CACNA1E: variants seen among roughly 807,000 people sequenced by gnomAD.
The protein encoded by CACNA1E is voltage-dependent R-type calcium channel subunit alpha-1E.
A neutral mutation model predicts 259.2 loss-of-function variants in CACNA1E; 40 were observed. The observed-to-expected ratio is 0.15, with a 90% confidence interval of 0.12 to 0.20. The LOEUF (loss-of-function observed/expected upper bound fraction) is 0.20. Ranked by LOEUF, CACNA1E falls within the 10% of genes least tolerant of loss-of-function variation. The probability of loss-of-function intolerance (pLI) is 1.00; values close to 1 mark genes in which losing one functional copy is unlikely to be tolerated. For missense variants in CACNA1E, 1,874 were observed against 3,040.1 expected, an observed-to-expected ratio of 0.62 and a Z score of 9.02; for synonymous variants, 1,104 against 1,138.5, an observed-to-expected ratio of 0.97 and a Z score of 0.61.
At chr1:181,408,367 G>T (rs563898941) in intron 1 of CACNA1E, among the ~76,000 whole-genome samples, 2 of 152,252 alleles carry the variant, frequency 1.3e-5, no homozygotes, top group Admixed American at 6.5e-5. Flanking sequence ...CCAAAGGGGT[G>T]CATGGACCAT....
chr1:181,740,689 T>G lies in CACNA1E; in HGVS notation c.3719+1436T>G, dbSNP rs144274735. Among the ~76,000 whole-genome samples the G allele has an allele frequency of 1.8e-3, 274 of 152,346 alleles. 1 individual carries two copies. Among genetic ancestry groups the G allele is most frequent in the African/African-American group, 6.3e-3 (263 of 41,584 alleles). On this transcript the variant is annotated intron_variant, in intron 25 of 47. Transcript: ENST00000367573. ...CCACATTGAGCATAGTTTGTGACTC[T>G]AAAATGGGCTGGTGATCAAGGTAAT... is the stretch of plus-strand genomic sequence containing the variant.
chr1:181,655,770 C>A (rs1029610397), intron 7 of CACNA1E, among the ~76,000 whole-genome samples: 3 of 152,046 alleles, frequency 2.0e-5, no homozygotes, highest in African/African-American at 7.2e-5. Context: ...TGACAGAGGC[C>A]TCTAAAAATG....
intron 6 of CACNA1E, among the ~76,000 whole-genome samples, chr1:181,581,899 G>A (rs1651582253): frequency 6.6e-6 from 1 of 152,084 alleles, no homozygotes; most frequent in Non-Finnish European, 1.5e-5. Context: ...GATCTTTTTA[G>A]CCTGATTCTA....
intron 2 of CACNA1E, among the ~76,000 whole-genome samples, chr1:181,475,607 G>A (rs1662791076): frequency 6.6e-6 from 1 of 152,206 alleles, no homozygotes; most frequent in Admixed American, 6.5e-5. Flanking sequence ...ACTATGGTAC[G>A]TGAGGAGATA....
intron 38 of CACNA1E, chr1:181,779,455 G>A (rs1460522827): frequency 2.7e-5 from 12 of 452,086 alleles, no homozygotes; most frequent in Admixed American, 9.5e-5. Flanking sequence ...GCAGGATCCC[G>A]TATAAGGATA....
chr1:181,727,241 G>T (rs1002160683), intron 18 of CACNA1E, among the ~76,000 whole-genome samples: 1 of 152,176 alleles, frequency 6.6e-6, no homozygotes, highest in African/African-American at 2.4e-5. Flanking sequence ...GGCTGACAGC[G>T]CTCCTCCTGC....
intron 7 of CACNA1E, among the ~76,000 whole-genome samples, chr1:181,703,798 G>C (rs1301047510): frequency 6.7e-6 from 1 of 149,196 alleles, no homozygotes; most frequent in African/African-American, 2.4e-5. Flanking sequence ...TAGTTTCCCT[G>C]CTTATGGAAA....
chr1:181,421,839 G>A (rs603451), intron 2 of CACNA1E, among the ~76,000 whole-genome samples: 12,188 of 152,106 alleles, frequency 0.08, 1,167 homozygotes, highest in African/African-American at 0.23. Flanking sequence ...GCCTGCTAAC[G>A]TGTCTTTGCA....
intron 2 of CACNA1E, among the ~76,000 whole-genome samples, chr1:181,473,798 T>G (rs537872934): frequency 2.0e-5 from 3 of 152,302 alleles, no homozygotes; most frequent in African/African-American, 7.2e-5. Flanking sequence ...AGATAATGGG[T>G]TTTGAAGTCA....
chr1:181,695,553 G>A (rs1183737861), intron 7 of CACNA1E, among the ~76,000 whole-genome samples: 1 of 152,198 alleles, frequency 6.6e-6, no homozygotes, highest in African/African-American at 2.4e-5. Flanking sequence ...ACAGATTAGA[G>A]AGCCCCTCAT....
Position 181,411,489 on chromosome 1 carries a change from G to T in CACNA1E, c.-14-1644G>T, listed in dbSNP as rs150354858. Reference sequence around the variant, plus strand: ...TCCCTAAATCCTCTCTCATGCACATGCTCTTCCTTTTGCCTGTTTTCCTCT... The same window carrying T: ...TCCCTAAATCCTCTCTCATGCACATTCTCTTCCTTTTGCCTGTTTTCCTCT... On this transcript the variant is annotated intron_variant, in intron 1 of 11. Transcript: ENST00000524607. 2.1e-3 allele frequency among the ~76,000 whole-genome samples: 313 copies of T among 152,304 alleles called. 1 individual carries two copies. The highest frequency in any genetic ancestry group is 3.8e-3 in the Admixed American group (58 of 15,304).
chr1:181,375,085 A>G (rs1019288004), intron 1 of CACNA1E, among the ~76,000 whole-genome samples: 8 of 152,218 alleles, frequency 5.3e-5, no homozygotes, highest in African/African-American at 1.9e-4. Context: ...AGTGGGCTTC[A>G]GTTTTGGCTC....
At chr1:181,685,230 G>GT (rs139598690) in intron 7 of CACNA1E, among the ~76,000 whole-genome samples, 54,127 of 102,970 alleles carry the variant, frequency 0.53, 14,862 homozygotes, top group East Asian at 0.67. Flanking sequence ...CCACCTTTAA[G>GT]TTTTTTTTTT....
chr1:181,736,180 T>C, intron 21 of CACNA1E, 95 bp from the exon 22 acceptor site: 1 of 1,443,000 alleles, frequency 6.9e-7, no homozygotes, highest in South Asian at 1.4e-5. Context: ...CTGGAGCCCT[T>C]TCTCCTCCTC....
chr1:181,475,802 T>C (rs1460068853), intron 2 of CACNA1E, among the ~76,000 whole-genome samples: 1 of 152,152 alleles, frequency 6.6e-6, no homozygotes, highest in African/African-American at 2.4e-5. Context: ...ATATTGAGTC[T>C]GGGGATGAGG....
chr1:181,782,000 C>T (rs1161144853), intron 39 of CACNA1E, among the ~76,000 whole-genome samples: 2 of 152,132 alleles, frequency 1.3e-5, no homozygotes, highest in African/African-American at 4.8e-5. Context: ...TTCCTTTAAA[C>T]AAGAAATTTT....
Position 181,738,388 on chromosome 1 carries a change from G to A in CACNA1E, c.3574G>A (p.Val1192Met). 6.2e-7 allele frequency: 1 copy of A among 1,613,882 alleles called. No homozygotes were observed. Among genetic ancestry groups the A allele is most frequent in the Non-Finnish European group, 8.5e-7 (1 of 1,179,776 alleles). Residue 1192 changes from valine (V) to methionine (M), a missense_variant, in exon 24 of 48, where the codon GTG becomes ATG. Transcript: ENST00000367573. ...RNKVLRYFDY[V>M]FTGVFTFEMV... Reference sequence around the variant, plus strand: ...TCAGGTCCTGAGGTATTTTGACTATGTGTTCACGGGCGTGTTCACCTTTGA... The same window carrying A: ...TCAGGTCCTGAGGTATTTTGACTATATGTTCACGGGCGTGTTCACCTTTGA...
intron 1 of CACNA1E, among the ~76,000 whole-genome samples, chr1:181,502,206 T>C (rs1328996400): frequency 6.6e-6 from 1 of 152,190 alleles, no homozygotes; most frequent in Non-Finnish European, 1.5e-5. Flanking sequence ...TTGGAGGTGA[T>C]GTGTGGTTCA....
chr1:181,602,082 C>A (rs994571059), intron 6 of CACNA1E, among the ~76,000 whole-genome samples: 1 of 152,210 alleles, frequency 6.6e-6, no homozygotes, highest in African/African-American at 2.4e-5. Context: ...TATTTAAAAT[C>A]AAACCTCCTC....
Sources: allele counts gnomAD v4.1 joint callset (sites outside exome capture counted in the v4.1 genomes callset), GRCh38; gene constraint gnomAD v4.1.1; transcripts MANE v1.5; gene names NCBI Gene and HGNC (gene_info 2026-07-23, HGNC 2026-07-21).